Variants in BTF3L4 observed in about 807,000 individuals in gnomAD.
The protein encoded by BTF3L4 is basic transcription factor 3 like 4.
A neutral mutation model predicts 16.8 loss-of-function variants in BTF3L4; 6 were observed. The ratio of observed to expected loss-of-function variants is 0.36; its 90% CI spans 0.20 to 0.71. The LOEUF (loss-of-function observed/expected upper bound fraction) is 0.71, where lower values mean the gene tolerates loss of function less well. BTF3L4 is among the 30% of genes least tolerant of loss of function. BTF3L4 has a pLI of 0.58. For synonymous variants in BTF3L4, 39 were observed against 59.8 expected (o/e 0.65, Z 1.60); for missense variants, 92 against 186.9 (o/e 0.49, Z 2.96).
At chr1:52,080,998 C>T (rs1396181196) in intron 3 of BTF3L4, among the ~76,000 whole-genome samples, 1 of 151,810 alleles carries the variant, frequency 6.6e-6, no homozygotes, top group East Asian at 1.9e-4. Flanking sequence ...TGCCACCACA[C>T]CCAGCTAATT....
chr1:52,061,009 G>A (rs1169207367), intron 2 of BTF3L4, among the ~76,000 whole-genome samples: 1 of 152,204 alleles, frequency 6.6e-6, no homozygotes, highest in Non-Finnish European at 1.5e-5. Flanking sequence ...AGCACCTACT[G>A]TGTGCCAGCA....
In BTF3L4 at chr1:52,089,978, A is replaced by G. The variant is rs1644004900; in HGVS notation, c.*3220A>G. ...CAGTGTTTAACCCTAGGTATGCTAC[A>G]TACCCATAAATAAGATACCATGGTA... On this transcript the variant is annotated 3_prime_UTR_variant, in exon 6 of 6. Transcript: ENST00000313334. 1 of 152,234 alleles carries G rather than the reference A, an allele frequency of 6.6e-6. No individual in the cohort carries two copies. The highest frequency in any genetic ancestry group is 2.1e-4 in the South Asian group (1 of 4,828). 9.4% of individuals were successfully genotyped at this position (152,234 alleles called of 1,614,324 possible).
chr1:52,061,326 T>A (rs1001584033), intron 2 of BTF3L4, among the ~76,000 whole-genome samples: 5 of 151,732 alleles, frequency 3.3e-5, no homozygotes, highest in Non-Finnish European at 5.9e-5. Context: ...CTGTCTCCAC[T>A]AAAAGTACAA....
rs977061247 is a variant in BTF3L4 at position 52,087,111 on chromosome 1, A to G, written c.*353A>G. 4.5e-5 allele frequency: 8 copies of G among 179,264 alleles called. No homozygotes were observed. Among genetic ancestry groups the G allele is most frequent in the Admixed American group, 4.3e-4 (7 of 16,098 alleles). The allele number at this position is 179,264 out of a possible 1,614,324, so 11.1% of individuals were successfully genotyped here. On this transcript the variant is annotated 3_prime_UTR_variant, in exon 6 of 6. Transcript: ENST00000313334. ...GGAGAGCAAATTGGAAAACAGTTCT[A>G]TTTATCCTCCTCCCTCCCCAGTAGA...
At chr1:52,080,256 A>G (rs2124441905) in intron 3 of BTF3L4, among the ~76,000 whole-genome samples, 1 of 152,268 alleles carries the variant, frequency 6.6e-6, no homozygotes, top group South Asian at 2.1e-4. Flanking sequence ...CCCAGGTTAA[A>G]GTCCTCGGTT....
chr1:52,066,803 G>A lies in BTF3L4; in HGVS notation c.168+1865G>A, dbSNP rs75787926. On this transcript the variant is annotated intron_variant, in intron 3 of 5. Transcript: ENST00000313334. ...GGAGCTTGCAGTGAGCCGAGACCACGCCACTGTACTCCAGTCTGGGCAACA... is the reference window on the plus strand; with the variant it reads ...GGAGCTTGCAGTGAGCCGAGACCACACCACTGTACTCCAGTCTGGGCAACA... Among the ~76,000 whole-genome samples the A allele has an allele frequency of 4.7e-3, 719 of 151,412 alleles. 13 individuals are homozygous for A. The South Asian group carries it at 0.054, about 11-fold the overall frequency.
intron 3 of BTF3L4, among the ~76,000 whole-genome samples, chr1:52,073,483 ATATG>A: frequency 8.7e-6 from 1 of 115,192 alleles, no homozygotes; most frequent in Non-Finnish European, 1.7e-5. Flanking sequence ...TGCACTATAT[ATATG>A]CTACATACAC....
chr1:52,083,322 TC>T lies in BTF3L4; in HGVS notation c.169-17del. ...GTACCTAGCATGTGAAGTACATTTT[TC>T]TTCTGTGATCATACAGGTGAACATG... On this transcript the variant is annotated splice_polypyrimidine_tract_variant and intron_variant, in intron 3 of 5. Coordinates refer to ENST00000313334, the MANE Select transcript of BTF3L4 (RefSeq NM_152265.5). 1 of 1,603,348 alleles carries T rather than the reference TC, an allele frequency of 6.2e-7. No individual in the cohort carries two copies. Among genetic ancestry groups the T allele is most frequent in the Non-Finnish European group, 8.5e-7 (1 of 1,170,486 alleles).
chr1:52,083,774 C>G (rs1219022185), intron 4 of BTF3L4, among the ~76,000 whole-genome samples: 1 of 152,092 alleles, frequency 6.6e-6, no homozygotes, highest in East Asian at 1.9e-4. Context: ...ATTCTCAGCA[C>G]TTTGGGAGGC....
intron 2 of BTF3L4, chr1:52,060,687 G>A: frequency 1.1e-6 from 1 of 944,876 alleles, no homozygotes; most frequent in Non-Finnish European, 1.3e-6. Context: ...TTTTGTAGTG[G>A]GTCCCACTGT....
intron 3 of BTF3L4, chr1:52,071,348 G>A (rs984544397): frequency 6.6e-6 from 1 of 152,110 alleles, no homozygotes; most frequent in African/African-American, 2.4e-5. Flanking sequence ...CCCTTTCTCT[G>A]TACTTTTACT....
intron 2 of BTF3L4, among the ~76,000 whole-genome samples, chr1:52,063,745 A>T (rs898055882): frequency 7.9e-5 from 12 of 152,236 alleles, no homozygotes; most frequent in African/African-American, 2.9e-4. Flanking sequence ...CTGTTTGCTC[A>T]GGCCAAGATT....
At chr1:52,086,210 C>A in intron 5 of BTF3L4, 39 bp downstream of exon 5, 1 of 1,472,136 alleles carries the variant, frequency 6.8e-7, no homozygotes, top group Non-Finnish European at 9.4e-7. Context: ...TTTAAGCATC[C>A]TGTTTATCTC....
intron 3 of BTF3L4, among the ~76,000 whole-genome samples, chr1:52,070,949 T>G (rs1184708418): frequency 6.6e-6 from 1 of 152,144 alleles, no homozygotes; most frequent in Non-Finnish European, 1.5e-5. Flanking sequence ...AATAACCAGC[T>G]TTTTGAAAGG....
At chr1:52,072,339 A>G (rs376763537) in intron 3 of BTF3L4, among the ~76,000 whole-genome samples, 3 of 152,114 alleles carry the variant, frequency 2.0e-5, no homozygotes, top group African/African-American at 7.2e-5. Context: ...GGCATGAGCC[A>G]CCGCGCCTGG....
In BTF3L4 at chr1:52,089,795, C is replaced by T. The variant is rs762398211; in HGVS notation, c.*3037C>T. The T allele has an allele frequency of 6.6e-6, 1 of 151,926 alleles. No homozygotes were observed. The highest frequency in any genetic ancestry group is 1.5e-5 in the Non-Finnish European group (1 of 68,012). The allele number at this position is 151,926 out of a possible 1,614,324, so 9.4% of individuals were successfully genotyped here. On this transcript the variant is annotated 3_prime_UTR_variant, in exon 6 of 6. Coordinates refer to ENST00000313334, the MANE Select transcript of BTF3L4 (RefSeq NM_152265.5). Reference sequence around the variant, plus strand: ...TTATATCTGTTTTACCCTTATTTTTCCCATTAAGTAATGGTTTAAGAATAT... The same window carrying T: ...TTATATCTGTTTTACCCTTATTTTTTCCATTAAGTAATGGTTTAAGAATAT...
At chr1:52,070,175 C>T (rs1450035572) in intron 3 of BTF3L4, among the ~76,000 whole-genome samples, 1 of 150,682 alleles carries the variant, frequency 6.6e-6, no homozygotes, top group Non-Finnish European at 1.5e-5. Flanking sequence ...TGAAATCGTG[C>T]CATTGCACTC....
At chr1:52,077,628 G>C (rs1003114607) in intron 3 of BTF3L4, among the ~76,000 whole-genome samples, 7 of 152,158 alleles carry the variant, frequency 4.6e-5, no homozygotes, top group African/African-American at 1.7e-4. Context: ...AAGTCACAAA[G>C]AAGAATTCAA....
chr1:52,080,542 T>C (rs1190440088), intron 3 of BTF3L4, among the ~76,000 whole-genome samples: 1 of 132,138 alleles, frequency 7.6e-6, no homozygotes, highest in Non-Finnish European at 1.6e-5. Context: ...TTTTTTTTTT[T>C]TTTTTTTTTG....
Sources: allele counts gnomAD v4.1 joint callset (sites outside exome capture counted in the v4.1 genomes callset), GRCh38; gene constraint gnomAD v4.1.1; transcripts MANE v1.5; gene names NCBI Gene and HGNC (gene_info 2026-07-23, HGNC 2026-07-21).